ZDHHC21: variants seen among roughly 807,000 people sequenced by gnomAD.
ZDHHC21 encodes the protein palmitoyltransferase ZDHHC21.
Under a neutral mutation model 34.6 loss-of-function variants are expected in ZDHHC21, and 15 were observed. That is an observed-to-expected ratio of 0.43 (90% confidence interval 0.29 to 0.67). The LOEUF (loss-of-function observed/expected upper bound fraction) is 0.67, where lower values mean the gene tolerates loss of function less well. Ranked by LOEUF, ZDHHC21 falls within the 30% of genes least tolerant of loss-of-function variation. The probability of loss-of-function intolerance (pLI) is 0.14; values close to 1 mark genes in which losing one functional copy is unlikely to be tolerated. For missense variants in ZDHHC21, 344 were observed against 327.7 expected (o/e 1.05, Z -0.38); for synonymous variants, 142 against 101.8 (o/e 1.40, Z -2.38).
chr9:14,642,742 CT>C (rs1290279904), intron 7 of ZDHHC21, among the ~76,000 whole-genome samples: 1 of 152,184 alleles, frequency 6.6e-6, no homozygotes, highest in African/African-American at 2.4e-5. Flanking sequence ...ACACCCTGAT[CT>C]TGGAGTTGTA....
At chr9:14,661,413 A>G (rs1833372789) in intron 6 of ZDHHC21, among the ~76,000 whole-genome samples, 1 of 152,234 alleles carries the variant, frequency 6.6e-6, no homozygotes, top group Admixed American at 6.5e-5. Flanking sequence ...ATATGCATGT[A>G]TGTGTATACA....
At chr9:14,685,102 A>C in intron 2 of ZDHHC21, among the ~76,000 whole-genome samples, 1 of 152,124 alleles carries the variant, frequency 6.6e-6, no homozygotes, top group Non-Finnish European at 1.5e-5. Context: ...TAAAAACCCT[A>C]GAAGAAAACC....
chr9:14,647,432 T>C (rs1405061526), intron 7 of ZDHHC21, among the ~76,000 whole-genome samples: 4 of 152,134 alleles, frequency 2.6e-5, no homozygotes, highest in Non-Finnish European at 5.9e-5. Context: ...CTATATACTA[T>C]ACCTTATCAT....
At chr9:14,652,404 G>C (rs1831388260) in intron 7 of ZDHHC21, among the ~76,000 whole-genome samples, 1 of 151,938 alleles carries the variant, frequency 6.6e-6, no homozygotes, top group South Asian at 2.1e-4. Context: ...GCACATCTTA[G>C]TCCTTACTTC....
chr9:14,594,038 C>T, the ZDHHC21 span: 1 of 152,114 alleles, frequency 6.6e-6, no homozygotes, highest in Non-Finnish European at 1.5e-5. Context: ...AGAGCAGCAT[C>T]TAAGAAATGG....
chr9:14,627,637 A>T (rs1826503794), intron 8 of ZDHHC21, among the ~76,000 whole-genome samples: 1 of 152,186 alleles, frequency 6.6e-6, no homozygotes, highest in South Asian at 2.1e-4. Context: ...AGAAAACAAA[A>T]ATGCTTGTAT....
chr9:14,591,879 C>A, the ZDHHC21 span, among the ~76,000 whole-genome samples: 1 of 151,948 alleles, frequency 6.6e-6, no homozygotes, highest in Non-Finnish European at 1.5e-5. Flanking sequence ...TATTCTAGCT[C>A]TTATGATTAC....
intron 5 of ZDHHC21, among the ~76,000 whole-genome samples, chr9:14,670,097 C>G (rs1835189184): frequency 6.6e-6 from 1 of 151,784 alleles, no homozygotes; most frequent in Non-Finnish European, 1.5e-5. Flanking sequence ...AGGAGGCGCT[C>G]CACAACGAGC....
chr9:14,658,842 C>T lies in ZDHHC21; in HGVS notation c.411G>A (p.Gln137=), dbSNP rs1390185010. Residue 137 remains glutamine (Q), a synonymous_variant, in exon 7 of 10, where the codon CAG becomes CAA. Coordinates refer to ENST00000380916, the MANE Select transcript of ZDHHC21 (RefSeq NM_178566.6). ...TAAGAAGTTCAGTGTAGAAACACAACTGCAGAAAGAGCCAATGATTATCTT... is the reference window on the plus strand; with the variant it reads ...TAAGAAGTTCAGTGTAGAAACACAATTGCAGAAAGAGCCAATGATTATCTT... ...VGEDNHWLFL[Q]LCFYTELLTC... is the part of the protein sequence containing the mutation. 1 of 1,613,322 alleles carries T rather than the reference C, an allele frequency of 6.2e-7. No homozygotes were observed. The highest frequency in any genetic ancestry group is 1.1e-5 in the South Asian group (1 of 91,014).
At position 14,614,553 on chromosome 9, in the gene ZDHHC21, C is replaced by G. The variant is rs1011393500; in HGVS notation, c.*4413G>C. The stretch of plus-strand genomic sequence containing the variant: ...TCAAGCAAGTTGGTTCTAATACTTT[C>G]TTATACTGTACTGTGGAATATTCTA... On this transcript the variant is annotated 3_prime_UTR_variant, in exon 10 of 10. Coordinates refer to ENST00000380916, the MANE Select transcript of ZDHHC21 (RefSeq NM_178566.6). The G allele has an allele frequency of 6.6e-6, 1 of 151,700 alleles. No individual in the cohort carries two copies. Among genetic ancestry groups the G allele is most frequent in the African/African-American group, 2.4e-5 (1 of 41,402 alleles). The allele number at this position is 151,700 out of a possible 1,614,324, so 9.4% of individuals were successfully genotyped here.
rs1295249912 is a variant in ZDHHC21 at position 14,639,521 on chromosome 9, T to C, written c.621+375A>G. Among the ~76,000 whole-genome samples, 8 of 152,154 alleles carry C rather than the reference T, an allele frequency of 5.3e-5. No homozygotes were observed. In the East Asian group the frequency reaches 1.2e-3, roughly 22 times the overall value. ...GAGGACTTGAAATGTTCCTAATATA[T>C]AGAAATGATAAATACTCAAGGTGAT... On this transcript the variant is annotated intron_variant, in intron 8 of 9. Transcript: ENST00000380916.
Position 14,662,391 on chromosome 9 carries a change from G to A in ZDHHC21, c.254-65C>T, listed in dbSNP as rs533182583. ...TGGGTAATGCTGAAATTTACCAACAGTTGTTTAGAAGATTTTATAGGAAGC... is the reference window on the plus strand; with the variant it reads ...TGGGTAATGCTGAAATTTACCAACAATTGTTTAGAAGATTTTATAGGAAGC... On this transcript the variant is annotated intron_variant, in intron 5 of 9. Coordinates refer to ENST00000380916, the MANE Select transcript of ZDHHC21 (RefSeq NM_178566.6). 93 of 1,234,968 alleles carry A rather than the reference G, an allele frequency of 7.5e-5. No homozygotes were observed. The African/African-American group carries it at 1.4e-3, about 19-fold the overall frequency. 76.5% of individuals were successfully genotyped at this position (1,234,968 alleles called of 1,614,324 possible).
intron 7 of ZDHHC21, among the ~76,000 whole-genome samples, chr9:14,651,221 C>A (rs552927771): frequency 6.6e-6 from 1 of 151,866 alleles, no homozygotes; most frequent in African/African-American, 2.4e-5. Context: ...ATGAAAACAG[C>A]AAAATATTAA....
At chr9:14,650,260 C>G (rs1263593737) in intron 7 of ZDHHC21, among the ~76,000 whole-genome samples, 1 of 150,296 alleles carries the variant, frequency 6.7e-6, no homozygotes, top group Non-Finnish European at 1.5e-5. Flanking sequence ...TCTTTTCAAG[C>G]AAAAAAAATA....
At position 14,617,315 on chromosome 9, in the gene ZDHHC21, T is replaced by G. The variant is rs1269366036; in HGVS notation, c.*1651A>C. 1 of 151,994 alleles carries G rather than the reference T, an allele frequency of 6.6e-6. No homozygotes were observed. The highest frequency in any genetic ancestry group is 1.5e-5 in the Non-Finnish European group (1 of 67,910). The allele number at this position is 151,994 out of a possible 1,614,324, so 9.4% of individuals were successfully genotyped here. On this transcript the variant is annotated 3_prime_UTR_variant, in exon 10 of 10. Transcript: ENST00000380916. ...CTGTATTTCTGTTCGTATTTCTGAG[T>G]TTGTAAGTAATAAAGTATTCTAATT...
downstream of ZDHHC21, among the ~76,000 whole-genome samples, chr9:14,609,224 T>C (rs1363026676): frequency 1.3e-5 from 2 of 152,156 alleles, no homozygotes; most frequent in South Asian, 4.1e-4. Context: ...ACATTTTAAA[T>C]ATTGTTTGAC....
rs1010905109 is a variant in ZDHHC21 at position 14,676,100 on chromosome 9, G to A, written c.-45-1715C>T. On this transcript the variant is annotated intron_variant, in intron 3 of 9. Transcript: ENST00000380916. ...AAGCAGGGGATTAACATGACGAAAT[G>A]TGTACCGTGAATAAATTACTGAAGC... Among the ~76,000 whole-genome samples the A allele has an allele frequency of 1.1e-4, 16 of 152,170 alleles. 1 individual carries two copies. Among genetic ancestry groups the A allele is most frequent in the African/African-American group, 3.9e-4 (16 of 41,558 alleles).
At chr9:14,662,077 T>C (rs1833498927) in intron 6 of ZDHHC21, 138 bp downstream of exon 6, 2 of 524,424 alleles carry the variant, frequency 3.8e-6, no homozygotes, top group Non-Finnish European at 3.2e-6. Context: ...AACCATATAA[T>C]CTAAATAAAG....
At chr9:14,631,223 A>T (rs1474316727) in intron 8 of ZDHHC21, among the ~76,000 whole-genome samples, 1 of 152,216 alleles carries the variant, frequency 6.6e-6, no homozygotes, top group Admixed American at 6.5e-5. Flanking sequence ...TGCAACTTCT[A>T]CATCAGCACT....
Sources: allele counts gnomAD v4.1 joint callset (sites outside exome capture counted in the v4.1 genomes callset), GRCh38; gene constraint gnomAD v4.1.1; transcripts MANE v1.5; gene names NCBI Gene and HGNC (gene_info 2026-07-23, HGNC 2026-07-21).